The following ZNF407 variants were observed in gnomAD, a reference collection of about 807,000 sequenced individuals.
The protein encoded by ZNF407 is zinc finger protein 407.
Under a neutral mutation model 131.2 loss-of-function variants are expected in ZNF407, and 17 were observed. The observed-to-expected ratio is 0.13, with a 90% CI of 0.09 to 0.19. ZNF407 has a LOEUF of 0.19. ZNF407 is among the 10% of genes least tolerant of loss of function. The pLI is 1.00. For synonymous variants in ZNF407, 1,156 were observed against 1,062.0 expected, an observed-to-expected ratio of 1.09 and a Z score of -1.72; for missense variants, 2,681 against 2,830.6, an observed-to-expected ratio of 0.95 and a Z score of 1.20.
At chr18:74,889,021 C>T (rs1179067427) in intron 6 of ZNF407, among the ~76,000 whole-genome samples, 1 of 152,098 alleles carries the variant, frequency 6.6e-6, no homozygotes, top group Non-Finnish European at 1.5e-5. Flanking sequence ...TTTTACTGTA[C>T]TTTTTCTGTG....
chr18:74,644,958 G>T (rs1040443996), intron 3 of ZNF407, among the ~76,000 whole-genome samples: 3 of 150,720 alleles, frequency 2.0e-5, no homozygotes, highest in Admixed American at 1.3e-4. Context: ...TTCTGCTTTT[G>T]CCCACATTTA....
chr18:74,773,921 A>G (rs1422093968), intron 3 of ZNF407, among the ~76,000 whole-genome samples: 1 of 152,196 alleles, frequency 6.6e-6, no homozygotes, highest in African/African-American at 2.4e-5. Context: ...AAACACCACT[A>G]CCTACTATAA....
Position 74,779,090 on chromosome 18 carries a change from T to C in ZNF407, c.4803-2338T>C, listed in dbSNP as rs371812081. On this transcript the variant is annotated intron_variant, in intron 3 of 8. Coordinates refer to ENST00000299687, the MANE Select transcript of ZNF407 (RefSeq NM_017757.3). ...AATTTAATGCTAGTCATGCTTGGCA[T>C]ATATATATATATATATATATTTTTT... Among the ~76,000 whole-genome samples the C allele has an allele frequency of 1.1e-3, 14 of 12,894 alleles. 1 individual carries two copies. The highest frequency in any genetic ancestry group is 2.4e-3 in the Admixed American group (2 of 818). 8.5% of individuals were successfully genotyped at this position (12,894 alleles called of 152,430 possible).
intron 3 of ZNF407, among the ~76,000 whole-genome samples, chr18:74,654,311 A>G (rs1232195916): frequency 6.6e-6 from 1 of 151,866 alleles, no homozygotes; most frequent in Non-Finnish European, 1.5e-5. Flanking sequence ...CACCTCTGGC[A>G]TTTAAGTAGA....
chr18:74,625,152 C>T (rs1404044394), intron 1 of ZNF407, among the ~76,000 whole-genome samples: 1 of 152,158 alleles, frequency 6.6e-6, no homozygotes, highest in African/African-American at 2.4e-5. Context: ...TGGGTTATTT[C>T]ATTAATTTAG....
At chr18:74,924,398 A>G (rs990246463) in intron 8 of ZNF407, among the ~76,000 whole-genome samples, 5 of 152,176 alleles carry the variant, frequency 3.3e-5, no homozygotes, top group African/African-American at 2.4e-5. Context: ...TAGGTCTAAT[A>G]TGATGAGATT....
In ZNF407 at chr18:74,930,506, A is replaced by G. The variant is rs112246593; in HGVS notation, c.5428+9814A>G. Reference sequence around the variant, plus strand: ...GACATCCATTAGTTTATCCTGCCTGAATAAGGTCTGTGATGTTTAAATGGT... The same window carrying G: ...GACATCCATTAGTTTATCCTGCCTGGATAAGGTCTGTGATGTTTAAATGGT... On this transcript the variant is annotated intron_variant, in intron 8 of 8. Coordinates refer to ENST00000299687, the MANE Select transcript of ZNF407 (RefSeq NM_017757.3). Among the ~76,000 whole-genome samples, 860 of 152,264 alleles carry G rather than the reference A, an allele frequency of 5.6e-3. 5 individuals are homozygous for G. The highest frequency in any genetic ancestry group is 0.02 in the African/African-American group (819 of 41,546).
At chr18:74,940,586 T>C (rs548535634) in intron 8 of ZNF407, among the ~76,000 whole-genome samples, 2 of 152,286 alleles carry the variant, frequency 1.3e-5, no homozygotes, top group Admixed American at 6.5e-5. Context: ...CCAGTGAAGG[T>C]TGTAGCAGAG....
At chr18:74,599,738 C>T (rs1263574524) in intron 1 of ZNF407, among the ~76,000 whole-genome samples, 1 of 152,166 alleles carries the variant, frequency 6.6e-6, no homozygotes, top group South Asian at 2.1e-4. Context: ...ACTCGCTAAT[C>T]TTAATAAAAT....
chr18:74,778,399 A>T lies in ZNF407; in HGVS notation c.4803-3029A>T, dbSNP rs144259266. On this transcript the variant is annotated intron_variant, in intron 3 of 8. Transcript: ENST00000299687. ...CATTCCTGAGCCACCCAAATGTGGA[A>T]TTTCAACCCCTTGCTGACACTGTAA... Among the ~76,000 whole-genome samples the T allele has an allele frequency of 1.8e-3, 272 of 152,268 alleles. 1 individual carries two copies. Among genetic ancestry groups the T allele is most frequent in the African/African-American group, 6.3e-3 (263 of 41,560 alleles).
At chr18:75,030,684 G>A (rs1193038585) in intron 8 of ZNF407, among the ~76,000 whole-genome samples, 1 of 152,202 alleles carries the variant, frequency 6.6e-6, no homozygotes, top group Non-Finnish European at 1.5e-5. Flanking sequence ...AGGCATTTAG[G>A]AGTGGCAGGA....
intron 8 of ZNF407, among the ~76,000 whole-genome samples, chr18:74,999,457 T>G (rs1424042059): frequency 2.0e-5 from 3 of 152,052 alleles, no homozygotes; most frequent in Admixed American, 2.0e-4. Flanking sequence ...TTCCCCTGGC[T>G]TAACCCTTTG....
chr18:74,632,862 T>G lies in ZNF407; in HGVS notation c.1843T>G (p.Phe615Val). ...CATGAAGGAAAAGCACAATATGCAT[T>G]TTCTTTGCACCCCTTGTAATCTGTT... ...DHMKEKHNMH[F>V]LCTPCNLFFL... Residue 615 changes from phenylalanine (F) to valine (V), a missense_variant, in exon 2 of 9, where the codon TTT (phenylalanine) becomes GTT (valine). This residue lies in a region of ZNF407 where 1,789 missense variants were observed against 1,748.7 expected (regional missense o/e 1.02). Transcript: ENST00000299687. 6.2e-7 allele frequency: 1 copy of G among 1,613,532 alleles called. No homozygotes were observed. Among genetic ancestry groups the G allele is most frequent in the Non-Finnish European group, 8.5e-7 (1 of 1,179,862 alleles).
At chr18:74,940,881 CAT>C (rs1972090235) in intron 8 of ZNF407, among the ~76,000 whole-genome samples, 1 of 152,148 alleles carries the variant, frequency 6.6e-6, no homozygotes, top group African/African-American at 2.4e-5. Context: ...AGGGGGAGCT[CAT>C]AGTTCTTGGG....
At chr18:75,052,167 C>T (rs568082363) in intron 8 of ZNF407, among the ~76,000 whole-genome samples, 5 of 152,140 alleles carry the variant, frequency 3.3e-5, no homozygotes, top group African/African-American at 1.2e-4. Flanking sequence ...TTTATGTATG[C>T]ATGTGTATGT....
At chr18:74,852,844 T>A (rs1035591385) in intron 4 of ZNF407, among the ~76,000 whole-genome samples, 2 of 152,216 alleles carry the variant, frequency 1.3e-5, no homozygotes, top group Admixed American at 1.3e-4. Context: ...ATACTTGATT[T>A]ATATTAGGTT....
At chr18:75,049,685 T>C (rs1268501884) in intron 8 of ZNF407, among the ~76,000 whole-genome samples, 2 of 152,234 alleles carry the variant, frequency 1.3e-5, no homozygotes, top group African/African-American at 4.8e-5. Context: ...TCTAGAGCCA[T>C]GCAGAATGAA....
At position 74,605,890 on chromosome 18, in the gene ZNF407, G is replaced by A. The variant is rs552910183; in HGVS notation, c.-54+7953G>A. Among the ~76,000 whole-genome samples the A allele has an allele frequency of 3.9e-5, 6 of 152,342 alleles. No homozygotes were observed. In the South Asian group the frequency reaches 1.0e-3, roughly 26 times the overall value. Reference sequence around the variant, plus strand: ...GTGTTGGACTAGTGTGACAAGCAAGGAGATTCTAGTTCCTGGACCGTCGGT... The same window carrying A: ...GTGTTGGACTAGTGTGACAAGCAAGAAGATTCTAGTTCCTGGACCGTCGGT... On this transcript the variant is annotated intron_variant, in intron 1 of 8. Coordinates refer to ENST00000299687, the MANE Select transcript of ZNF407 (RefSeq NM_017757.3).
intron 1 of ZNF407, among the ~76,000 whole-genome samples, chr18:74,609,780 AT>A (rs1982975913): frequency 6.6e-6 from 1 of 152,240 alleles, no homozygotes; most frequent in African/African-American, 2.4e-5. Flanking sequence ...ATAGGGAACC[AT>A]CATCATGTAT....
Sources: gnomAD v4.1 joint callset for allele counts (sites outside exome capture counted in the v4.1 genomes callset) on GRCh38, gnomAD v4.1.1 for gene constraint, gnomAD v4.1.1 regional missense constraint, MANE v1.5 for transcripts, NCBI Gene and HGNC (gene_info 2026-07-23, HGNC 2026-07-21) for gene names.